Variants in RASGRP1 observed in about 807,000 individuals in gnomAD.
The protein encoded by RASGRP1 is RAS guanyl releasing protein 1.
In RASGRP1, 37 loss-of-function variants were observed where a neutral mutation model predicts 95.1. That is an observed-to-expected ratio of 0.39 (90% confidence interval 0.30 to 0.51). The LOEUF is 0.51. Among genes scored for constraint, RASGRP1 ranks in the 20% least tolerant of loss-of-function variants. RASGRP1 has a pLI of 0.80. For synonymous variants in RASGRP1, 325 were observed against 353.4 expected (o/e 0.92, Z 0.90); for missense variants, 711 against 965.4 (o/e 0.74, Z 3.49).
intron 5 of RASGRP1, 116 bp downstream of exon 5, chr15:38,518,176 A>G: frequency 2.1e-6 from 2 of 974,440 alleles, no homozygotes. Context: ...GGGGCTTCTC[A>G]GAGTGGAGAA....
chr15:38,550,619 AC>A (rs1343671224), intron 2 of RASGRP1, among the ~76,000 whole-genome samples: 1 of 152,222 alleles, frequency 6.6e-6, no homozygotes, highest in African/African-American at 2.4e-5. Context: ...TAGAAGAGCA[AC>A]CTTGTGTGCT....
chr15:38,527,676 AG>A (rs1892274765), intron 2 of RASGRP1, among the ~76,000 whole-genome samples: 1 of 117,306 alleles, frequency 8.5e-6, no homozygotes, highest in African/African-American at 3.1e-5. Context: ...TTTATATTAA[AG>A]GGGTTATCAT....
intron 2 of RASGRP1, among the ~76,000 whole-genome samples, chr15:38,544,747 G>A (rs548133251): frequency 8.5e-5 from 13 of 152,296 alleles, no homozygotes; most frequent in East Asian, 1.9e-4. Flanking sequence ...AAGATACTCC[G>A]CAAGGCAAGA....
At chr15:38,539,827 T>G (rs572975106) in intron 2 of RASGRP1, among the ~76,000 whole-genome samples, 102 of 152,262 alleles carry the variant, frequency 6.7e-4, no homozygotes, top group Middle Eastern at 3.4e-3. Context: ...CGGTGTTTGG[T>G]TTTTTGTTCT....
At chr15:38,515,881 G>C (rs1428009388) in intron 6 of RASGRP1, among the ~76,000 whole-genome samples, 2 of 108,246 alleles carry the variant, frequency 1.8e-5, no homozygotes, top group African/African-American at 3.1e-5. Flanking sequence ...GGTAGAATGA[G>C]AGAGACAGAG....
At chr15:38,492,443 C>T (rs1471293717) in intron 16 of RASGRP1, among the ~76,000 whole-genome samples, 1 of 152,126 alleles carries the variant, frequency 6.6e-6, no homozygotes, top group African/African-American at 2.4e-5. Context: ...CTGAAGCCCT[C>T]GTGGACAGTT....
intron 3 of RASGRP1, among the ~76,000 whole-genome samples, chr15:38,522,538 C>G (rs1403467309): frequency 6.6e-6 from 1 of 152,028 alleles, no homozygotes; most frequent in Non-Finnish European, 1.5e-5. Context: ...AAACTAAAAT[C>G]AAAGGAATTA....
intron 1 of RASGRP1, among the ~76,000 whole-genome samples, chr15:38,562,718 G>A (rs1451553483): frequency 6.6e-6 from 1 of 152,214 alleles, no homozygotes; most frequent in East Asian, 1.9e-4. Flanking sequence ...AGCTCTTCCT[G>A]CTAGGGGTGG....
Position 38,502,437 on chromosome 15 carries a change from T to C in RASGRP1, c.1429-16A>G. ...TGAAGACAGACTGTGAAAAAGGAGTTTTTTTGGTGATTACTAAAGAGAAAC... is the reference window on the plus strand; with the variant it reads ...TGAAGACAGACTGTGAAAAAGGAGTCTTTTTGGTGATTACTAAAGAGAAAC... On this transcript the variant is annotated splice_polypyrimidine_tract_variant and intron_variant, in intron 11 of 16. Transcript: ENST00000310803. 6.7e-7 allele frequency: 1 copy of C among 1,502,902 alleles called. No individual in the cohort carries two copies. The allele number at this position is 1,502,902 out of a possible 1,614,324, so 93.1% of individuals were successfully genotyped here.
chr15:38,548,073 C>A (rs114498317), intron 2 of RASGRP1, among the ~76,000 whole-genome samples: 2 of 151,296 alleles, frequency 1.3e-5, no homozygotes, highest in South Asian at 2.1e-4. Flanking sequence ...GTACATGACA[C>A]GGGTGAATTA....
intron 3 of RASGRP1, among the ~76,000 whole-genome samples, chr15:38,523,689 C>T (rs1008916750): frequency 6.6e-6 from 1 of 152,136 alleles, no homozygotes; most frequent in East Asian, 1.9e-4. Context: ...GTAAGTGCCC[C>T]CCTATACATA....
At chr15:38,555,374 A>G (rs1028851629) in intron 2 of RASGRP1, among the ~76,000 whole-genome samples, 1 of 152,218 alleles carries the variant, frequency 6.6e-6, no homozygotes, top group African/African-American at 2.4e-5. Context: ...GGTGCAATCA[A>G]TATTTCTTAC....
At chr15:38,553,734 T>A (rs922243728) in intron 2 of RASGRP1, among the ~76,000 whole-genome samples, 35 of 152,296 alleles carry the variant, frequency 2.3e-4, no homozygotes, top group African/African-American at 7.5e-4. Flanking sequence ...CTTACTGCAG[T>A]TGAGAAGAGA....
In RASGRP1 at chr15:38,499,665, T is replaced by TA. The variant is rs538749767; in HGVS notation, c.1720+437dup. 6.6e-3 allele frequency among the ~76,000 whole-genome samples: 997 copies of TA among 152,206 alleles called. 6 individuals carry two copies. Among genetic ancestry groups the TA allele is most frequent in the Non-Finnish European group, 0.01 (684 of 67,998 alleles). On this transcript the variant is annotated intron_variant, in intron 14 of 16. Coordinates refer to ENST00000310803, the MANE Select transcript of RASGRP1 (RefSeq NM_005739.4). Reference sequence around the variant, plus strand: ...GGACTAAATGGACAACTACTATGGGTAAAAAATGTTTTAGAGGTGGGACTC... The same window carrying TA: ...GGACTAAATGGACAACTACTATGGGTAAAAAAATGTTTTAGAGGTGGGACTC...
intron 2 of RASGRP1, among the ~76,000 whole-genome samples, chr15:38,552,616 T>C (rs1290554680): frequency 6.6e-6 from 1 of 152,192 alleles, no homozygotes; most frequent in Non-Finnish European, 1.5e-5. Context: ...ATAACAGACA[T>C]AACCTCAAAA....
Position 38,512,838 on chromosome 15 carries a change from C to T in RASGRP1, c.794G>A (p.Arg265His), listed in dbSNP as rs766659143. The change falls in exon 7 of 17, where the codon CGC becomes CAC. Residue 265 changes from arginine to histidine, a missense_variant. Coordinates refer to ENST00000310803, the MANE Select transcript of RASGRP1 (RefSeq NM_005739.4). ...SQWVQLMVLS[R>H]PTPQLRAEVF... ...TTCTGCTCGGAGCTGCGGCGTGGGGCGGCTGAGAACCATCAGTTGTACCCA... is the reference window on the plus strand; with the variant it reads ...TTCTGCTCGGAGCTGCGGCGTGGGGTGGCTGAGAACCATCAGTTGTACCCA... 1.4e-5 allele frequency: 22 copies of T among 1,613,558 alleles called. No homozygotes were observed. The highest frequency in any genetic ancestry group is 1.7e-5 in the Non-Finnish European group (20 of 1,179,762).
chr15:38,529,882 G>C (rs1892374055), intron 2 of RASGRP1, among the ~76,000 whole-genome samples: 1 of 152,166 alleles, frequency 6.6e-6, no homozygotes, highest in Non-Finnish European at 1.5e-5. Context: ...GTTTGCAAAA[G>C]AAATTCAAAG....
chr15:38,494,512 GTGGGAC>G lies in RASGRP1; in HGVS notation c.2123_2128del (p.Ser708_Pro709del). The G allele has an allele frequency of 6.2e-7, 1 of 1,602,528 alleles. No homozygotes were observed. The highest frequency in any genetic ancestry group is 8.5e-7 in the Non-Finnish European group (1 of 1,174,200). ...CAAGACTGGGCTAGGACATGGAGAG[GTGGGAC>G]TGGGAAGCACATATAGAGTATCCTG... On this transcript the variant is annotated inframe_deletion, in exon 16 of 17. Coordinates refer to ENST00000310803, the MANE Select transcript of RASGRP1 (RefSeq NM_005739.4).
chr15:38,494,360 A>G lies in RASGRP1; in HGVS notation c.2259+22T>C, dbSNP rs761768225. 1.1e-5 allele frequency: 17 copies of G among 1,612,524 alleles called. No homozygotes were observed. The East Asian group carries it at 1.3e-4, about 13-fold the overall frequency. ...ACTTCTCTAAGATAGTCTGAAAAAA[A>G]GGAAAATGAAAAGGAAGGTACCTGT... On this transcript the variant is annotated intron_variant, in intron 16 of 16. Coordinates refer to ENST00000310803, the MANE Select transcript of RASGRP1 (RefSeq NM_005739.4).
Sources: allele counts gnomAD v4.1 joint callset (sites outside exome capture counted in the v4.1 genomes callset), GRCh38; gene constraint gnomAD v4.1.1; transcripts MANE v1.5; gene names NCBI Gene and HGNC (gene_info 2026-07-23, HGNC 2026-07-21).